Variants in ATP9B observed in about 807,000 individuals in gnomAD.
ATP9B encodes the protein ATPase phospholipid transporting 9B.
A neutral mutation model predicts 146.1 loss-of-function variants in ATP9B; 110 were observed. The ratio of observed to expected loss-of-function variants is 0.75; its 90% CI spans 0.65 to 0.88. The LOEUF is 0.88. Among genes scored for constraint, ATP9B ranks in the 40% least tolerant of loss-of-function variants. ATP9B has a pLI of 0.00. For synonymous variants in ATP9B, 604 were observed against 569.7 expected, an observed-to-expected ratio of 1.06 and a Z score of -0.86; for missense variants, 1,499 against 1,496.4, an observed-to-expected ratio of 1.00 and a Z score of -0.03.
chr18:79,165,603 C>T (rs986841502), intron 7 of ATP9B, among the ~76,000 whole-genome samples: 16 of 152,140 alleles, frequency 1.1e-4, no homozygotes, highest in Non-Finnish European at 1.6e-4. Context: ...TAATATTTTT[C>T]GAGACCTTCT....
At chr18:79,282,961 A>T (rs1459179918) in intron 13 of ATP9B, among the ~76,000 whole-genome samples, 18 of 152,358 alleles carry the variant, frequency 1.2e-4, no homozygotes, top group East Asian at 5.8e-4. Context: ...ACCCAGGCCA[A>T]CAGAGAAATA....
At chr18:79,193,092 A>G (rs2095383837) in intron 8 of ATP9B, 91 bp from the exon 9 acceptor site, 4 of 924,646 alleles carry the variant, frequency 4.3e-6, no homozygotes, top group South Asian at 3.5e-5. Context: ...GGTAAATAAT[A>G]TATGAACAAT....
intron 11 of ATP9B, among the ~76,000 whole-genome samples, chr18:79,238,773 A>G (rs1038400608): frequency 3.9e-5 from 6 of 152,028 alleles, no homozygotes; most frequent in African/African-American, 1.2e-4. Flanking sequence ...TGGGGTGGTG[A>G]TCTGTGGTGA....
intron 11 of ATP9B, among the ~76,000 whole-genome samples, chr18:79,248,612 A>C (rs936242544): frequency 7.2e-5 from 11 of 152,218 alleles, no homozygotes; most frequent in African/African-American, 2.7e-4. Context: ...GCCATGTACA[A>C]AGCTGTTCTT....
intron 17 of ATP9B, among the ~76,000 whole-genome samples, chr18:79,332,226 G>A (rs1176240051): frequency 2.0e-5 from 3 of 152,192 alleles, no homozygotes; most frequent in Non-Finnish European, 4.4e-5. Context: ...TCAGGAGATT[G>A]AGACCCTCCT....
chr18:79,305,728 G>A (rs1443246215), intron 14 of ATP9B, among the ~76,000 whole-genome samples: 1 of 152,184 alleles, frequency 6.6e-6, no homozygotes, highest in Non-Finnish European at 1.5e-5. Flanking sequence ...TTCCACCTAA[G>A]AGGACTTTTA....
At chr18:79,260,193 CCCCAGGAAACTTGCAAT>C in intron 12 of ATP9B, among the ~76,000 whole-genome samples, 1 of 152,198 alleles carries the variant, frequency 6.6e-6, no homozygotes. Flanking sequence ...GCTAAGGAGG[CCCCAGGAAACTTGCAAT>C]CATGGCGGAA....
chr18:79,174,278 G>A (rs985868639), intron 7 of ATP9B: 6 of 247,134 alleles, frequency 2.4e-5, no homozygotes, highest in Admixed American at 1.1e-4. Context: ...TCGTCCCCTG[G>A]AAGACTGCTC....
chr18:79,256,069 A>G (rs555245402), intron 12 of ATP9B, among the ~76,000 whole-genome samples: 2 of 151,542 alleles, frequency 1.3e-5, no homozygotes, highest in East Asian at 3.9e-4. Context: ...AAAAATATAT[A>G]TTTTTTTACA....
At chr18:79,130,333 A>T (rs752696705) in intron 5 of ATP9B, among the ~76,000 whole-genome samples, 1 of 151,850 alleles carries the variant, frequency 6.6e-6, no homozygotes, top group Non-Finnish European at 1.5e-5. Context: ...CACTGGAGGG[A>T]TTCAGTAGCA....
chr18:79,361,654 GTACT>G, intron 26 of ATP9B: 1 of 404,112 alleles, frequency 2.5e-6, no homozygotes, highest in Non-Finnish European at 3.3e-6. Flanking sequence ...TAGCACTAAA[GTACT>G]GAGCCACTAA....
intron 25 of ATP9B, among the ~76,000 whole-genome samples, chr18:79,351,150 A>G (rs1158830078): frequency 6.6e-6 from 1 of 152,214 alleles, no homozygotes; most frequent in Non-Finnish European, 1.5e-5. Context: ...TCTTCCTTGG[A>G]AGTCATAGAA....
intron 10 of ATP9B, 81 bp downstream of exon 10, chr18:79,207,093 T>G: frequency 7.5e-7 from 1 of 1,327,142 alleles, no homozygotes; most frequent in Non-Finnish European, 1.1e-6. Context: ...CAAACAAGGG[T>G]TTCTCACAGT....
At chr18:79,227,265 C>T (rs1230596287) in intron 11 of ATP9B, among the ~76,000 whole-genome samples, 1 of 151,860 alleles carries the variant, frequency 6.6e-6, no homozygotes, top group Non-Finnish European at 1.5e-5. Flanking sequence ...GCTCTGGGTT[C>T]CTTTTAGCAA....
intron 11 of ATP9B, among the ~76,000 whole-genome samples, chr18:79,224,143 T>A (rs1259660972): frequency 2.0e-5 from 3 of 152,234 alleles, no homozygotes; most frequent in African/African-American, 7.2e-5. Flanking sequence ...GTAATCAAAA[T>A]TCCTAACAGA....
At chr18:79,188,149 C>A (rs2095326632) in intron 8 of ATP9B, among the ~76,000 whole-genome samples, 1 of 151,978 alleles carries the variant, frequency 6.6e-6, no homozygotes, top group Non-Finnish European at 1.5e-5. Context: ...GTAGGTGTTC[C>A]AGGAACAGAA....
chr18:79,347,098 C>A (rs1028955424), intron 23 of ATP9B, among the ~76,000 whole-genome samples: 3 of 152,228 alleles, frequency 2.0e-5, no homozygotes. Flanking sequence ...GTTTTCCACG[C>A]ACCATTCTCT....
intron 1 of ATP9B, among the ~76,000 whole-genome samples, chr18:79,094,875 T>A (rs991491258): frequency 6.6e-6 from 1 of 152,162 alleles, no homozygotes; most frequent in Admixed American, 6.5e-5. Flanking sequence ...CAGGTTGTGA[T>A]CAGAAATATG....
At chr18:79,161,812 C>T (rs1376107654) in intron 7 of ATP9B, among the ~76,000 whole-genome samples, 3 of 152,192 alleles carry the variant, frequency 2.0e-5, no homozygotes, top group Non-Finnish European at 4.4e-5. Context: ...CACCACTGCA[C>T]TCCAGCCTGG....
Sources: gnomAD v4.1 joint callset for allele counts (sites outside exome capture counted in the v4.1 genomes callset) on GRCh38, gnomAD v4.1.1 for gene constraint, MANE v1.5 for transcripts, NCBI Gene and HGNC (gene_info 2026-07-23, HGNC 2026-07-21) for gene names.